Variants in EPHB2 observed in about 807,000 individuals in gnomAD.
EPHB2 encodes ephrin type-B receptor 2.
A neutral mutation model predicts 96.4 loss-of-function variants in EPHB2; 18 were observed. The observed-to-expected ratio is 0.19, with a 90% CI of 0.13 to 0.28. The LOEUF is 0.28. Among genes scored for constraint, EPHB2 ranks in the 10% least tolerant of loss-of-function variants. EPHB2 has a pLI of 1.00. For synonymous variants in EPHB2, 506 were observed against 534.1 expected (o/e 0.95, Z 0.72); for missense variants, 989 against 1,355.4 (o/e 0.73, Z 4.25).
chr1:22,757,159 TA>T (rs1425746650), intron 1 of EPHB2, among the ~76,000 whole-genome samples: 1 of 151,348 alleles, frequency 6.6e-6, no homozygotes, highest in Admixed American at 6.6e-5. Context: ...TTATGGGTGA[TA>T]GGGGGTTGCT....
At chr1:22,758,075 C>T (rs914589950) in intron 1 of EPHB2, among the ~76,000 whole-genome samples, 11 of 145,042 alleles carry the variant, frequency 7.6e-5, no homozygotes, top group Admixed American at 3.5e-4. Context: ...CCCGCTACCA[C>T]ACCCGGCTAA....
chr1:22,725,235 G>A (rs1381608634), intron 1 of EPHB2, among the ~76,000 whole-genome samples: 1 of 152,120 alleles, frequency 6.6e-6, no homozygotes, highest in Non-Finnish European at 1.5e-5. Context: ...ATGGTTAGAT[G>A]GATAAGTGGC....
chr1:22,762,413 G>A (rs1453893652), intron 1 of EPHB2, among the ~76,000 whole-genome samples: 2 of 152,156 alleles, frequency 1.3e-5, no homozygotes, highest in African/African-American at 4.8e-5. Context: ...GCCTCTTCTG[G>A]GGGCCTGGAA....
intron 1 of EPHB2, among the ~76,000 whole-genome samples, chr1:22,764,276 A>G (rs1644275734): frequency 6.6e-6 from 1 of 152,172 alleles, no homozygotes; most frequent in East Asian, 1.9e-4. Flanking sequence ...GATAATGACC[A>G]CGGTCAATAT....
rs1487544282 is a variant in EPHB2, at chr1:22,733,445, T to G, written c.61+22402T>G. On this transcript the variant is annotated intron_variant, in intron 1 of 15. Coordinates refer to ENST00000374630, the MANE Select transcript of EPHB2 (RefSeq NM_017449.5). The surrounding 1 kb of genome is among the most constrained non-coding windows in gnomAD (Gnocchi z 4.6). Reference sequence around the variant, plus strand: ...TGCAAAGTCACACAGTGATGAGTGATGATATGAATGATGAAAATATTAGCG... The same window carrying G: ...TGCAAAGTCACACAGTGATGAGTGAGGATATGAATGATGAAAATATTAGCG... Among the ~76,000 whole-genome samples the G allele has an allele frequency of 3.9e-5, 6 of 152,218 alleles. No homozygotes were observed. Among genetic ancestry groups the G allele is most frequent in the East Asian group, 1.9e-4 (1 of 5,198 alleles).
At position 22,914,520 on chromosome 1, in the gene EPHB2, T is replaced by G. The variant is rs1640215041; in HGVS notation, c.*950T>G. ...CACAGGGTGGTTTTGGTTTAGGGGG[T>G]TTGTTTGTTGGGTTGTTTTTTGTTT... On this transcript the variant is annotated 3_prime_UTR_variant, in exon 16 of 16. Transcript: ENST00000374630. The G allele has an allele frequency of 6.6e-6, 1 of 152,110 alleles. No homozygotes were observed. The highest frequency in any genetic ancestry group is 1.5e-5 in the Non-Finnish European group (1 of 67,966). The allele number at this position is 152,110 out of a possible 1,614,324, so 9.4% of individuals were successfully genotyped here.
intron 5 of EPHB2, among the ~76,000 whole-genome samples, chr1:22,878,110 C>T (rs1255167555): frequency 6.6e-6 from 1 of 152,194 alleles, no homozygotes; most frequent in Non-Finnish European, 1.5e-5. Context: ...AACAGAGCAG[C>T]TCTGCTGAAC....
In EPHB2 at chr1:22,860,054, C is replaced by T. The variant is rs981164875; in HGVS notation, c.812-2983C>T. Among the ~76,000 whole-genome samples the T allele has an allele frequency of 2.6e-4, 40 of 152,296 alleles. No homozygotes were observed. The highest frequency in any genetic ancestry group is 2.2e-3 in the Admixed American group (33 of 15,298). On this transcript the variant is annotated intron_variant, in intron 3 of 15. Transcript: ENST00000374630. The surrounding 1 kb of genome is among the most constrained non-coding windows in gnomAD (Gnocchi z 4.6). ...CATGGCTGGCTTCTTTCACTGAGCA[C>T]GATGTGTCCAGGGTTCACCTGTACC...
Position 22,906,568 on chromosome 1 carries a change from G to A in EPHB2, c.1889-142G>A. 2.3e-6 allele frequency: 3 copies of A among 1,302,966 alleles called. No homozygotes were observed. The highest frequency in any genetic ancestry group is 3.2e-6 in the Non-Finnish European group (3 of 944,032). 80.7% of individuals were successfully genotyped at this position (1,302,966 alleles called of 1,614,324 possible). ...TTCTGGACCCCTGACATTCTTGAAG[G>A]GGTTCTGTGTCTGCAAGGATGAGTG... is the stretch of plus-strand genomic sequence containing the variant. On this transcript the variant is annotated intron_variant, in intron 10 of 15. Transcript: ENST00000374630. This position sits in a 1 kb window ranked among gnomAD's most constrained non-coding sequence, Gnocchi z 4.8.
At chr1:22,851,865 T>C (rs558439910) in intron 3 of EPHB2, among the ~76,000 whole-genome samples, 1 of 152,360 alleles carries the variant, frequency 6.6e-6, no homozygotes, top group East Asian at 1.9e-4. Flanking sequence ...ACAGATGGCC[T>C]GTGTTCTTCA....
chr1:22,913,632 C>T lies in EPHB2; in HGVS notation c.*62C>T. ...CCGCCCCCTCTGCCCCACGTGCCGG[C>T]CCTCCTGGTGCTCTATCCACTGCAG... On this transcript the variant is annotated 3_prime_UTR_variant, in exon 16 of 16. Transcript: ENST00000374630. This position sits in a 1 kb window ranked among gnomAD's most constrained non-coding sequence, Gnocchi z 4.1. 1 of 1,606,616 alleles carries T rather than the reference C, an allele frequency of 6.2e-7. No individual in the cohort carries two copies. The highest frequency in any genetic ancestry group is 8.5e-7 in the Non-Finnish European group (1 of 1,176,706).
Position 22,846,502 on chromosome 1 carries a change from C to T in EPHB2, c.812-16535C>T, listed in dbSNP as rs995053271. On this transcript the variant is annotated intron_variant, in intron 3 of 15. Coordinates refer to ENST00000374630, the MANE Select transcript of EPHB2 (RefSeq NM_017449.5). The surrounding 1 kb of genome is among the most constrained non-coding windows in gnomAD (Gnocchi z 4.3). ...CTGATTTCTCCAGAGGTTCACAGAC[C>T]GCCCTGCCAAAGACAGAACTGCCCG... Among the ~76,000 whole-genome samples, 9 of 152,074 alleles carry T rather than the reference C, an allele frequency of 5.9e-5. No homozygotes were observed. The highest frequency in any genetic ancestry group is 2.1e-4 in the South Asian group (1 of 4,826).
chr1:22,876,479 G>C (rs939856222), intron 5 of EPHB2, among the ~76,000 whole-genome samples: 5 of 152,116 alleles, frequency 3.3e-5, no homozygotes, highest in Admixed American at 2.0e-4. Context: ...CCCCTCTGGG[G>C]TTCACTGAGG....
rs145170073 is a variant in EPHB2 at position 22,906,234 on chromosome 1, T to C, written c.1888+125T>C. On this transcript the variant is annotated intron_variant, in intron 10 of 15. Transcript: ENST00000374630. This position sits in a 1 kb window ranked among gnomAD's most constrained non-coding sequence, Gnocchi z 4.8. ...GCGCCTCAAAGGACCCCCCAAGGCC[T>C]GAAGGTTCAGAATGACCATGAAAGA... is the stretch of plus-strand genomic sequence containing the variant. The C allele has an allele frequency of 1.3e-3, 1,904 of 1,454,172 alleles. 22 individuals are homozygous for C. In the African/African-American group the frequency reaches 0.023, roughly 18 times the overall value. The allele number at this position is 1,454,172 out of a possible 1,614,324, so 90.1% of individuals were successfully genotyped here. A position where few individuals can be genotyped will look rare whatever the true frequency, so the allele number is the denominator to read the frequency against.
At chr1:22,904,743 C>T (rs998041034) in intron 9 of EPHB2, among the ~76,000 whole-genome samples, 46 of 152,320 alleles carry the variant, frequency 3.0e-4, no homozygotes, top group African/African-American at 1.0e-3. Flanking sequence ...TCCAATAATA[C>T]TTTATTTACA....
chr1:22,766,132 C>G (rs1026644297), intron 1 of EPHB2, among the ~76,000 whole-genome samples: 1 of 152,212 alleles, frequency 6.6e-6, no homozygotes, highest in African/African-American at 2.4e-5. Context: ...GCACAGGGGA[C>G]TCTCTGAGCT....
At chr1:22,758,869 TGATGGATGGATGAATGGATGGCTGGCTG>T (rs1159591178) in intron 1 of EPHB2, among the ~76,000 whole-genome samples, 9 of 140,158 alleles carry the variant, frequency 6.4e-5, no homozygotes, top group Non-Finnish European at 1.2e-4. Context: ...GGTGGATGGA[TGATGGATGGATGAATGGATGGCTGGCTG>T]GATGGATGAT....
intron 6 of EPHB2, chr1:22,891,118 C>G (rs2148563742): frequency 4.4e-6 from 2 of 455,966 alleles, no homozygotes; most frequent in Middle Eastern, 3.3e-4. Context: ...GTTACTATCC[C>G]CCTTTTACAG....
rs2148424665 is a variant in EPHB2 at position 22,784,792 on chromosome 1, T to C, written c.527T>C (p.Leu176Pro). 6.2e-7 allele frequency: 1 copy of C among 1,605,244 alleles called. No homozygotes were observed. Residue 176 changes from leucine (L) to proline (P), a missense_variant, in exon 3 of 16, where the codon CTG becomes CCG. Transcript: ENST00000374630. This position sits in a 1 kb window ranked among gnomAD's most constrained non-coding sequence, Gnocchi z 5.1. ...CCTGTGTCCCGCAGCGGCTTCTACCTGGCCTTCCAGGACTATGGCGGCTGC... is the reference window on the plus strand; with the variant it reads ...CCTGTGTCCCGCAGCGGCTTCTACCCGGCCTTCCAGGACTATGGCGGCTGC... ...FGPVSRSGFY[L>P]AFQDYGGCMS...
Sources: allele counts gnomAD v4.1 joint callset (sites outside exome capture counted in the v4.1 genomes callset), GRCh38; gene constraint gnomAD v4.1.1; non-coding constraint Gnocchi (gnomAD v3.1); transcripts MANE v1.5; gene names NCBI Gene and HGNC (gene_info 2026-07-23, HGNC 2026-07-21).